Variants in CAPN1 observed in about 807,000 individuals in gnomAD.
CAPN1 encodes calpain 1, also known as calpain-1 catalytic subunit.
A neutral mutation model predicts 105.2 loss-of-function variants in CAPN1; 77 were observed. That is an observed-to-expected ratio of 0.73 (90% confidence interval 0.61 to 0.88). CAPN1 has a LOEUF of 0.88. Ranked by LOEUF, CAPN1 falls within the 40% of genes least tolerant of loss-of-function variation. CAPN1 has a pLI of 0.00. For missense variants in CAPN1, 833 were observed against 976.6 expected, an observed-to-expected ratio of 0.85 and a Z score of 1.96; for synonymous variants, 355 against 388.8, an observed-to-expected ratio of 0.91 and a Z score of 1.02.
Position 65,188,709 on chromosome 11 carries a change from G to T in CAPN1, c.1128G>T (p.Arg376=), listed in dbSNP as rs774414535. 1 of 1,603,174 alleles carries T rather than the reference G, an allele frequency of 6.2e-7. No homozygotes were observed. The highest frequency in any genetic ancestry group is 1.1e-5 in the South Asian group (1 of 89,574). ...CCACACTCTACGAAGGCACCTGGCG[G>T]CGGGGGAGCACCGCGGGGGGCTGCC... ...WNTTLYEGTW[R]RGSTAGGCRN... Residue 376 remains arginine (R), a synonymous_variant, in exon 10 of 22, where the codon CGG becomes CGT. Coordinates refer to ENST00000279247, the MANE Select transcript of CAPN1 (RefSeq NM_005186.4). This position sits in a 1 kb window ranked among gnomAD's most constrained non-coding sequence, Gnocchi z 5.5.
chr11:65,206,950 G>A, intron 14 of CAPN1, 131 bp downstream of exon 14: 1 of 813,044 alleles, frequency 1.2e-6, no homozygotes, highest in East Asian at 2.7e-5. Flanking sequence ...GAAGCCATAG[G>A]AGTAGTGCTA....
intron 7 of CAPN1, chr11:65,187,689 C>G (rs1381334137): frequency 1.1e-5 from 5 of 449,800 alleles, no homozygotes; most frequent in Non-Finnish European, 2.1e-5. Context: ...GAGTTCGAGA[C>G]CAGCCTGGCC....
Position 65,188,404 on chromosome 11 carries a change from C to T in CAPN1, c.930-10C>T. On this transcript the variant is annotated splice_polypyrimidine_tract_variant and intron_variant, in intron 8 of 21. Coordinates refer to ENST00000279247, the MANE Select transcript of CAPN1 (RefSeq NM_005186.4). The surrounding 1 kb of genome is among the most constrained non-coding windows in gnomAD (Gnocchi z 5.5). Reference sequence around the variant, plus strand: ...GCCCACCAGCCCTGGCAGAGCCCTGCTCCTCACAGCTCCTCAGAGTGGAAC... The same window carrying T: ...GCCCACCAGCCCTGGCAGAGCCCTGTTCCTCACAGCTCCTCAGAGTGGAAC... The T allele has an allele frequency of 6.2e-7, 1 of 1,606,308 alleles. No individual in the cohort carries two copies. Among genetic ancestry groups the T allele is most frequent in the Non-Finnish European group, 8.5e-7 (1 of 1,176,362 alleles).
At chr11:65,181,631 C>T (rs1003842974), upstream of CAPN1, 4 of 390,808 alleles carry the variant, frequency 1.0e-5, no homozygotes, top group Admixed American at 5.8e-5. This position sits in a 1 kb window ranked among gnomAD's most constrained non-coding sequence, Gnocchi z 4.6. Context: ...CCCGGCCCTC[C>T]CCCTCCGTTC....
At chr11:65,200,578 C>T (rs1166069283) in intron 10 of CAPN1, among the ~76,000 whole-genome samples, 2 of 152,112 alleles carry the variant, frequency 1.3e-5, no homozygotes, top group African/African-American at 4.8e-5. Context: ...CTCCTGACCT[C>T]GTGATCCACC....
chr11:65,210,365 C>G lies in CAPN1; in HGVS notation c.1972C>G (p.Leu658Val), dbSNP rs1446136380. ...GFKLNKKLYE[L>V]IITRYSEPDL... ...CAAGCTCAACAAGAAGCTGTACGAG[C>G]TCATCATCACCCGCTACTCGGAGCC... is the stretch of plus-strand genomic sequence containing the variant. The change falls in exon 20 of 22, where the codon CTC becomes GTC. Residue 658 changes from leucine to valine, a missense_variant. Coordinates refer to ENST00000279247, the MANE Select transcript of CAPN1 (RefSeq NM_005186.4). This position sits in a 1 kb window ranked among gnomAD's most constrained non-coding sequence, Gnocchi z 4.3. The G allele has an allele frequency of 6.2e-7, 1 of 1,612,940 alleles. No individual in the cohort carries two copies. Among genetic ancestry groups the G allele is most frequent in the Non-Finnish European group, 8.5e-7 (1 of 1,179,464 alleles).
chr11:65,188,461 G>A lies in CAPN1; in HGVS notation c.977G>A (p.Arg326Gln), dbSNP rs1330569266. 11 of 1,613,136 alleles carry A rather than the reference G, an allele frequency of 6.8e-6. No individual in the cohort carries two copies. The East Asian group carries it at 1.8e-4, about 26-fold the overall frequency. ...NVDPYERDQL[R>Q]VKMEDGEFWM... ...GACCCATATGAACGGGACCAGCTCCGGGTCAAGATGGAGGACGGGGAGTTC... is the reference window on the plus strand; with the variant it reads ...GACCCATATGAACGGGACCAGCTCCAGGTCAAGATGGAGGACGGGGAGTTC... The change falls in exon 9 of 22, where the codon CGG becomes CAG. Residue 326 changes from arginine to glutamine, a missense_variant. Physicochemically the swap from Arg to Gln is conservative, Grantham distance 43 (BLOSUM62 1). Coordinates refer to ENST00000279247, the MANE Select transcript of CAPN1 (RefSeq NM_005186.4). This position sits in a 1 kb window ranked among gnomAD's most constrained non-coding sequence, Gnocchi z 5.5.
At position 65,210,405 on chromosome 11, in the gene CAPN1, AC is replaced by A. The variant is rs1565425308; in HGVS notation, c.2013del (p.Phe672LeufsTer11). 1 of 1,613,380 alleles carries A rather than the reference AC, an allele frequency of 6.2e-7. No individual in the cohort carries two copies. On this transcript the variant is annotated frameshift_variant, in exon 20 of 22. Coordinates refer to ENST00000279247, the MANE Select transcript of CAPN1 (RefSeq NM_005186.4). LOFTEE classifies it high-confidence loss of function. This position sits in a 1 kb window ranked among gnomAD's most constrained non-coding sequence, Gnocchi z 4.3. ...TACTCGGAGCCCGACCTGGCGGTCG[AC>A]TTTGACAATTTCGTTTGCTGCCTGG... ...TRYSEPDLAV[D>X]FDNFVCCLVR...
chr11:65,195,953 G>T (rs1189268744), intron 10 of CAPN1, among the ~76,000 whole-genome samples: 1 of 151,696 alleles, frequency 6.6e-6, no homozygotes, highest in Non-Finnish European at 1.5e-5. Context: ...GGTCAGTTTT[G>T]GTGCTTTGTT....
chr11:65,210,968 C>A lies in CAPN1; in HGVS notation c.2118+96C>A. The A allele has an allele frequency of 8.5e-7, 1 of 1,177,232 alleles. No individual in the cohort carries two copies. The highest frequency in any genetic ancestry group is 1.3e-6 in the Non-Finnish European group (1 of 785,430). 72.9% of individuals were successfully genotyped at this position (1,177,232 alleles called of 1,614,324 possible). ...TCCCTGTCCTTTCCTGGAAATGAGC[C>A]TGGGCCTCAGAGCCAACCCTGAAGC... On this transcript the variant is annotated intron_variant, in intron 21 of 21. Transcript: ENST00000279247. The surrounding 1 kb of genome is among the most constrained non-coding windows in gnomAD (Gnocchi z 4.3).
intron 12 of CAPN1, chr11:65,206,040 C>T: frequency 1.9e-6 from 1 of 523,272 alleles, no homozygotes; most frequent in South Asian, 2.4e-5. Context: ...ATGTCAGGAG[C>T]AGGGCATTAG....
chr11:65,204,877 C>G lies in CAPN1; in HGVS notation c.1341+19C>G. On this transcript the variant is annotated intron_variant, in intron 11 of 21. Coordinates refer to ENST00000279247, the MANE Select transcript of CAPN1 (RefSeq NM_005186.4). Reference sequence around the variant, plus strand: ...CTACGAGGTCAGGAGGGTGGATCACCGGTGGATCTCACTGAGCAGGCAGAG... The same window carrying G: ...CTACGAGGTCAGGAGGGTGGATCACGGGTGGATCTCACTGAGCAGGCAGAG... The G allele has an allele frequency of 6.3e-7, 1 of 1,591,558 alleles. No homozygotes were observed. The highest frequency in any genetic ancestry group is 8.6e-7 in the Non-Finnish European group (1 of 1,163,782).
Position 65,188,888 on chromosome 11 carries a change from T to C in CAPN1, c.1165+142T>C, listed in dbSNP as rs1231314777. 2 of 738,510 alleles carry C rather than the reference T, an allele frequency of 2.7e-6. No individual in the cohort carries two copies. The highest frequency in any genetic ancestry group is 2.7e-5 in the East Asian group (1 of 36,966). The allele number at this position is 738,510 out of a possible 1,614,324, so 45.7% of individuals were successfully genotyped here. On this transcript the variant is annotated intron_variant, in intron 10 of 21. Coordinates refer to ENST00000279247, the MANE Select transcript of CAPN1 (RefSeq NM_005186.4). The surrounding 1 kb of genome is among the most constrained non-coding windows in gnomAD (Gnocchi z 5.5). ...TTGCTTTGAGGAGTAAAATATTAAA[T>C]GTCCTAGTAAATTTTAAAGAGGCAT...
intron 10 of CAPN1, among the ~76,000 whole-genome samples, chr11:65,193,651 A>AT (rs1948751160): frequency 6.6e-6 from 1 of 150,782 alleles, no homozygotes; most frequent in Non-Finnish European, 1.5e-5. Context: ...TCTCAAAAAA[A>AT]AAAAAAAAAA....
At chr11:65,196,196 ATTG>A (rs1948790880) in intron 10 of CAPN1, among the ~76,000 whole-genome samples, 2 of 151,688 alleles carry the variant, frequency 1.3e-5, no homozygotes, top group Admixed American at 1.3e-4. Context: ...ATTTTTCTTT[ATTG>A]TTTATTCTCT....
intron 10 of CAPN1, among the ~76,000 whole-genome samples, chr11:65,197,022 A>G (rs1266204200): frequency 6.6e-6 from 1 of 152,212 alleles, no homozygotes; most frequent in Non-Finnish European, 1.5e-5. Context: ...TAATAAAGAA[A>G]CTGAGGCACA....
At chr11:65,182,555 C>G in intron 1 of CAPN1, 146 bp from the exon 2 acceptor site, 1 of 846,654 alleles carries the variant, frequency 1.2e-6, no homozygotes, top group Admixed American at 3.0e-5. Context: ...GCTGAGAACC[C>G]TACTTCTGTG....
chr11:65,199,432 G>A (rs1485943698), intron 10 of CAPN1, among the ~76,000 whole-genome samples: 1 of 151,660 alleles, frequency 6.6e-6, no homozygotes, highest in Non-Finnish European at 1.5e-5. Flanking sequence ...TTTTCATTCT[G>A]CCTTGAATGT....
chr11:65,183,052 G>A (rs1948568677), intron 2 of CAPN1, 76 bp from the exon 3 acceptor site: 5 of 1,606,692 alleles, frequency 3.1e-6, no homozygotes, highest in Admixed American at 1.7e-5. Flanking sequence ...CCCTGGTGGG[G>A]AATGGGGTCT....
Sources: allele counts gnomAD v4.1 joint callset (sites outside exome capture counted in the v4.1 genomes callset), GRCh38; gene constraint gnomAD v4.1.1; non-coding constraint Gnocchi (gnomAD v3.1); transcripts MANE v1.5; gene names NCBI Gene and HGNC (gene_info 2026-07-23, HGNC 2026-07-21).